The following RAPGEF6 variants were observed in gnomAD, a reference collection of about 807,000 sequenced individuals.
RAPGEF6 encodes the protein Rap guanine nucleotide exchange factor 6.
A neutral mutation model predicts 171.4 loss-of-function variants in RAPGEF6; 56 were observed. That is an observed-to-expected ratio of 0.33 (90% CI 0.26 to 0.41). The LOEUF is 0.41. Among genes scored for constraint, RAPGEF6 ranks in the 10% least tolerant of loss-of-function variants. RAPGEF6 has a pLI of 1.00. For synonymous variants in RAPGEF6, 692 were observed against 650.1 expected (o/e 1.06, Z -0.98); for missense variants, 1,674 against 1,921.4 (o/e 0.87, Z 2.41).
chr5:131,472,875 G>C lies in RAPGEF6; in HGVS notation c.2082-131C>G, dbSNP rs542754011. On this transcript the variant is annotated intron_variant, in intron 16 of 27. Coordinates refer to ENST00000509018, the MANE Select transcript of RAPGEF6 (RefSeq NM_016340.6). ...TGATTTAAACAACTGAAATACTACAGCAATTTTTAAAAGACAATTGTAATG... is the reference window on the plus strand; with the variant it reads ...TGATTTAAACAACTGAAATACTACACCAATTTTTAAAAGACAATTGTAATG... 4 of 737,990 alleles carry C rather than the reference G, an allele frequency of 5.4e-6. No homozygotes were observed. In the South Asian group the frequency reaches 9.0e-5, roughly 17 times the overall value. The allele number at this position is 737,990 out of a possible 1,614,324, so 45.7% of individuals were successfully genotyped here.
intron 1 of RAPGEF6, among the ~76,000 whole-genome samples, chr5:131,623,440 C>T (rs1038939555): frequency 6.7e-6 from 1 of 149,432 alleles, no homozygotes; most frequent in African/African-American, 2.5e-5. Flanking sequence ...GTAGAAATCA[C>T]TACTAGAATA....
intron 1 of RAPGEF6, among the ~76,000 whole-genome samples, chr5:131,607,582 G>C (rs1238470395): frequency 2.6e-5 from 4 of 152,190 alleles, no homozygotes; most frequent in Non-Finnish European, 5.9e-5. Context: ...ACAGTCAGTG[G>C]GGGTTGGGTG....
intron 24 of RAPGEF6, chr5:131,435,924 A>G: frequency 6.7e-7 from 1 of 1,501,394 alleles, no homozygotes; most frequent in Non-Finnish European, 8.9e-7. Context: ...AAACAAACTT[A>G]ACACTAAAAT....
chr5:131,552,411 A>G (rs975781735), intron 5 of RAPGEF6, among the ~76,000 whole-genome samples: 1 of 152,180 alleles, frequency 6.6e-6, no homozygotes, highest in African/African-American at 2.4e-5. Flanking sequence ...AGCACTATTA[A>G]TAAACAATAG....
chr5:131,566,245 G>A (rs1761928227), intron 4 of RAPGEF6, among the ~76,000 whole-genome samples: 1 of 151,846 alleles, frequency 6.6e-6, no homozygotes, highest in African/African-American at 2.4e-5. Context: ...ATATCAGAAA[G>A]TTCCCTTCTG....
At chr5:131,472,229 G>A (rs999064301) in intron 17 of RAPGEF6, 8 of 324,018 alleles carry the variant, frequency 2.5e-5, no homozygotes, top group Admixed American at 8.1e-5. Flanking sequence ...CCACCATCAC[G>A]TCTGGCTAAT....
chr5:131,469,713 C>T, intron 17 of RAPGEF6: 1 of 1,009,146 alleles, frequency 9.9e-7, no homozygotes, highest in South Asian at 1.9e-5. Context: ...CTACTTCATT[C>T]AATTCTGTAT....
chr5:131,572,696 C>T (rs1219698234), intron 4 of RAPGEF6, among the ~76,000 whole-genome samples: 13 of 152,262 alleles, frequency 8.5e-5, no homozygotes, highest in Admixed American at 1.3e-4. Flanking sequence ...TCTCTACCTT[C>T]GTCCTTAAAT....
intron 14 of RAPGEF6, among the ~76,000 whole-genome samples, chr5:131,492,169 C>T (rs1419736314): frequency 6.6e-6 from 1 of 152,166 alleles, no homozygotes; most frequent in Non-Finnish European, 1.5e-5. Context: ...CCATAACCTT[C>T]AGTAATCTGC....
intron 21 of RAPGEF6, 132 bp downstream of exon 21, chr5:131,452,922 G>T (rs1436210727): frequency 3.5e-6 from 4 of 1,132,354 alleles, no homozygotes; most frequent in Non-Finnish European, 4.7e-6. Flanking sequence ...ATGATTACAT[G>T]AAACGGACAC....
At chr5:131,487,169 C>T (rs574003299) in intron 15 of RAPGEF6, among the ~76,000 whole-genome samples, 1 of 152,284 alleles carries the variant, frequency 6.6e-6, no homozygotes, top group South Asian at 2.1e-4. Flanking sequence ...GAGTTTCTTC[C>T]TTCCGGTGGG....
chr5:131,586,342 G>C (rs898025747), intron 4 of RAPGEF6, among the ~76,000 whole-genome samples: 1 of 152,194 alleles, frequency 6.6e-6, no homozygotes, highest in Non-Finnish European at 1.5e-5. Context: ...ACAGACCTGA[G>C]AAGTCACTTT....
chr5:131,522,536 GA>G (rs1425775096), intron 6 of RAPGEF6, among the ~76,000 whole-genome samples: 5 of 152,072 alleles, frequency 3.3e-5, no homozygotes, highest in African/African-American at 1.2e-4. Flanking sequence ...ATCTCAAGAG[GA>G]GTTAATGTAA....
chr5:131,570,700 A>C (rs930782275), intron 4 of RAPGEF6, among the ~76,000 whole-genome samples: 4 of 152,196 alleles, frequency 2.6e-5, no homozygotes, highest in Non-Finnish European at 4.4e-5. Flanking sequence ...AAAACTATAC[A>C]ACATATTCCA....
rs1184985575 is a variant in RAPGEF6, at chr5:131,630,627, C to G, written c.69+4335G>C. On this transcript the variant is annotated intron_variant, in intron 1 of 27. Transcript: ENST00000509018. ...CTGAATCTATAAGTAGGAGAAATCT[C>G]TCACACACACACTGTGTTAGAAAGA... Among the ~76,000 whole-genome samples the G allele has an allele frequency of 2.6e-5, 4 of 152,304 alleles. No individual in the cohort carries two copies. The East Asian group carries it at 7.7e-4, about 29-fold the overall frequency.
intron 19 of RAPGEF6, among the ~76,000 whole-genome samples, chr5:131,457,186 T>C (rs1290960781): frequency 6.6e-6 from 1 of 152,188 alleles, no homozygotes. Flanking sequence ...ATCAACCTCC[T>C]GAGTAGCTGG....
At chr5:131,531,192 A>G (rs918201180) in intron 6 of RAPGEF6, among the ~76,000 whole-genome samples, 2 of 152,220 alleles carry the variant, frequency 1.3e-5, no homozygotes, top group Non-Finnish European at 2.9e-5. Flanking sequence ...TCAACAGGAC[A>G]ACCTTGAAAC....
intron 6 of RAPGEF6, among the ~76,000 whole-genome samples, 169 bp downstream of exon 6, chr5:131,547,878 C>T (rs1043702484): frequency 1.3e-5 from 2 of 152,016 alleles, no homozygotes; most frequent in Admixed American, 1.3e-4. Context: ...TAAGAGCATT[C>T]CTAACCAATT....
intron 7 of RAPGEF6, among the ~76,000 whole-genome samples, chr5:131,515,724 T>C (rs1243444969): frequency 6.6e-6 from 1 of 152,176 alleles, no homozygotes; most frequent in Admixed American, 6.5e-5. Flanking sequence ...GAAAATGTCA[T>C]CTTCATGAAG....
Sources: gnomAD v4.1 joint callset for allele counts (sites outside exome capture counted in the v4.1 genomes callset) on GRCh38, gnomAD v4.1.1 for gene constraint, MANE v1.5 for transcripts, NCBI Gene and HGNC (gene_info 2026-07-23, HGNC 2026-07-21) for gene names.